Variants in MPDZ observed in about 807,000 individuals in gnomAD.
The protein encoded by MPDZ is multiple PDZ domain protein.
Under a neutral mutation model 239.1 loss-of-function variants are expected in MPDZ, and 234 were observed. The observed-to-expected ratio is 0.98, with a 90% CI of 0.88 to 1.09. The LOEUF is 1.09. Ranked by LOEUF, MPDZ falls within the 50% of genes least tolerant of loss-of-function variation. MPDZ has a pLI of 0.00. For synonymous variants in MPDZ, 1,048 were observed against 881.3 expected (o/e 1.19, Z -3.35); for missense variants, 3,175 against 2,510.0 (o/e 1.26, Z -5.66).
chr9:13,243,315 G>A (rs934317962), intron 3 of MPDZ, among the ~76,000 whole-genome samples: 2 of 150,980 alleles, frequency 1.3e-5, no homozygotes, highest in African/African-American at 4.9e-5. Context: ...GGGAAAACTG[G>A]TTCACTGAAT....
At chr9:13,231,597 T>C (rs1025687015) in intron 3 of MPDZ, among the ~76,000 whole-genome samples, 44 of 151,728 alleles carry the variant, frequency 2.9e-4, no homozygotes, top group African/African-American at 1.0e-3. Flanking sequence ...ATCAATGAAA[T>C]TGCATGCACT....
chr9:13,238,977 AT>A (rs1964739633), intron 3 of MPDZ, among the ~76,000 whole-genome samples: 1 of 152,198 alleles, frequency 6.6e-6, no homozygotes, highest in Admixed American at 6.5e-5. Context: ...GATTTCTAAC[AT>A]GGCATATATT....
intron 19 of MPDZ, 150 bp from the exon 20 acceptor site, chr9:13,176,567 C>T (rs148619403): frequency 6.9e-6 from 5 of 720,252 alleles, no homozygotes; most frequent in African/African-American, 1.8e-5. Context: ...AAACACAATT[C>T]CTCACTTAGC....
chr9:13,253,742 A>C (rs180702097), intron 1 of MPDZ, among the ~76,000 whole-genome samples: 74 of 152,342 alleles, frequency 4.9e-4, no homozygotes, highest in Middle Eastern at 3.4e-3. Flanking sequence ...CAGTGACAAT[A>C]ATGAATCAGA....
At chr9:13,203,069 T>C (rs562920707) in intron 12 of MPDZ, among the ~76,000 whole-genome samples, 13 of 152,332 alleles carry the variant, frequency 8.5e-5, no homozygotes, top group East Asian at 1.9e-4. Flanking sequence ...GTGATGGATA[T>C]GCTAATTACT....
chr9:13,238,699 C>T (rs1452715833), intron 3 of MPDZ, among the ~76,000 whole-genome samples: 2 of 152,120 alleles, frequency 1.3e-5, no homozygotes, highest in Non-Finnish European at 2.9e-5. Flanking sequence ...AAGAAGGATA[C>T]CACAATTATC....
At position 13,236,241 on chromosome 9, in the gene MPDZ, G is replaced by A. The variant is rs58201324; in HGVS notation, c.183+11394C>T. Among the ~76,000 whole-genome samples, 24 of 5,512 alleles carry A rather than the reference G, an allele frequency of 4.4e-3. 2 individuals are homozygous for A. Among genetic ancestry groups the A allele is most frequent in the South Asian group, 0.033 (2 of 60 alleles). 3.6% of individuals were successfully genotyped at this position (5,512 alleles called of 152,430 possible). ...TGTGTGTGTGTATATGTATATGTGT[G>A]TGTGTGTGTATATATATATATATAT... On this transcript the variant is annotated intron_variant, in intron 3 of 46. Transcript: ENST00000319217.
At chr9:13,176,865 C>T (rs1952568816) in intron 19 of MPDZ, among the ~76,000 whole-genome samples, 1 of 152,026 alleles carries the variant, frequency 6.6e-6, no homozygotes, top group Non-Finnish European at 1.5e-5. Flanking sequence ...TTGATTTGGA[C>T]TCATAAGGGC....
At position 13,121,775 on chromosome 9, in the gene MPDZ, G is replaced by A. The variant is rs762930771; in HGVS notation, c.5195C>T (p.Pro1732Leu). ...DTLTIELQKKPGKGLGLSIVG... is the reference protein window; with the variant it reads ...DTLTIELQKKLGKGLGLSIVG... ...AATACTTAATCCTAGGCCTTTTCCCGGCTTCTTCTGCAGCTCAATAGTGAG... is the reference window on the plus strand; with the variant it reads ...AATACTTAATCCTAGGCCTTTTCCCAGCTTCTTCTGCAGCTCAATAGTGAG... The change falls in exon 38 of 47, where the codon CCG becomes CTG. Residue 1732 changes from proline to leucine, a missense_variant. Transcript: ENST00000319217. The A allele has an allele frequency of 3.1e-5, 50 of 1,613,534 alleles. No homozygotes were observed. Among genetic ancestry groups the A allele is most frequent in the South Asian group, 5.5e-5 (5 of 91,054 alleles).
Position 13,247,691 on chromosome 9 carries a change from G to A in MPDZ, c.127C>T (p.Pro43Ser), listed in dbSNP as rs370771519. The change falls in exon 3 of 47, where the codon CCT becomes TCT. Residue 43 changes from proline (P) to serine (S), a missense_variant. By Grantham distance (74) the Pro-to-Ser change is moderately conservative. Coordinates refer to ENST00000319217, the MANE Select transcript of MPDZ (RefSeq NM_001378778.1). ...LSLLKSVLQS[P>S]LFSQILSLQT... ...AGGCTCAGAATCTGACTGAAGAGAG[G>A]GCTCTGCAGGACTGACTTCAGAAGG... The A allele has an allele frequency of 6.2e-6, 10 of 1,613,448 alleles. No individual in the cohort carries two copies. In the African/African-American group the frequency reaches 1.1e-4, roughly 17 times the overall value.
At chr9:13,182,616 G>T (rs1371634709) in intron 19 of MPDZ, among the ~76,000 whole-genome samples, 1 of 151,836 alleles carries the variant, frequency 6.6e-6, no homozygotes, top group Non-Finnish European at 1.5e-5. Flanking sequence ...ATGGCCAAAA[G>T]ATATGAAGAG....
At chr9:13,249,948 A>C (rs994754329) in intron 2 of MPDZ, among the ~76,000 whole-genome samples, 7 of 152,230 alleles carry the variant, frequency 4.6e-5, no homozygotes, top group Non-Finnish European at 1.0e-4. Flanking sequence ...ATCTTCTTTC[A>C]GTATTAAAAA....
In MPDZ at chr9:13,133,806, A is replaced by G. The variant is rs1229111181; in HGVS notation, c.4464+18T>C. ...AAAGGAACTCACATCATTTCATTCC[A>G]ATTCAAAGCAGATTTACCTTGGGAA... On this transcript the variant is annotated intron_variant, in intron 32 of 46. Coordinates refer to ENST00000319217, the MANE Select transcript of MPDZ (RefSeq NM_001378778.1). The G allele has an allele frequency of 3.2e-6, 5 of 1,548,674 alleles. No homozygotes were observed. The highest frequency in any genetic ancestry group is 2.3e-5 in the East Asian group (1 of 44,120).
At chr9:13,110,907 A>T (rs1440459742) in intron 43 of MPDZ, among the ~76,000 whole-genome samples, 167 bp from the exon 44 acceptor site, 3 of 152,248 alleles carry the variant, frequency 2.0e-5, no homozygotes. Flanking sequence ...TCCAAAAAGC[A>T]GCAACCACAA....
chr9:13,250,054 C>T (rs145726042), intron 2 of MPDZ, among the ~76,000 whole-genome samples: 1 of 152,242 alleles, frequency 6.6e-6, no homozygotes, highest in Non-Finnish European at 1.5e-5. Context: ...TATTAAAACC[C>T]ATAATTGGAA....
chr9:13,156,344 A>G (rs1172442012), intron 24 of MPDZ, among the ~76,000 whole-genome samples: 1 of 152,200 alleles, frequency 6.6e-6, no homozygotes, highest in African/African-American at 2.4e-5. Flanking sequence ...CATGCTGCTG[A>G]TAAAGAAATA....
chr9:13,116,232 G>C (rs1213046893), intron 39 of MPDZ, among the ~76,000 whole-genome samples: 2 of 152,312 alleles, frequency 1.3e-5, no homozygotes, highest in East Asian at 3.9e-4. Context: ...GAAGGTGTTT[G>C]AGATCCTGTT....
Position 13,147,592 on chromosome 9 carries a change from T to G in MPDZ, c.3697A>C (p.Asn1233His), listed in dbSNP as rs1230412283. 3.7e-6 allele frequency: 6 copies of G among 1,612,386 alleles called. No individual in the cohort carries two copies. Among genetic ancestry groups the G allele is most frequent in the Middle Eastern group, 3.3e-4 (2 of 6,070 alleles). ...QAVEAIRKAG[N>H]PVVFMVQSII... Reference sequence around the variant, plus strand: ...CTCTGTACCATAAAGACTACAGGGTTGCCTGCTTTCCGAATGGCTTCCACA... The same window carrying G: ...CTCTGTACCATAAAGACTACAGGGTGGCCTGCTTTCCGAATGGCTTCCACA... Residue 1233 changes from asparagine to histidine, a missense_variant, in exon 26 of 47, where the codon AAC (asparagine) becomes CAC (histidine). By Grantham distance (68) the Asn-to-His change is moderately conservative. Transcript: ENST00000319217.
intron 22 of MPDZ, among the ~76,000 whole-genome samples, chr9:13,164,867 C>T (rs1470532251): frequency 6.6e-6 from 1 of 152,124 alleles, no homozygotes; most frequent in Admixed American, 6.6e-5. Context: ...CAGGATCATA[C>T]AGAACTTCCA....
Sources: gnomAD v4.1 joint callset for allele counts (sites outside exome capture counted in the v4.1 genomes callset) on GRCh38, gnomAD v4.1.1 for gene constraint, MANE v1.5 for transcripts, NCBI Gene and HGNC (gene_info 2026-07-23, HGNC 2026-07-21) for gene names.